DNER: variants seen among roughly 807,000 people sequenced by gnomAD.
DNER encodes delta and Notch-like epidermal growth factor-related receptor.
A neutral mutation model predicts 78.2 loss-of-function variants in DNER; 33 were observed. The observed-to-expected ratio is 0.42, with a 90% confidence interval of 0.32 to 0.56. DNER has a LOEUF of 0.56. DNER is among the 20% of genes least tolerant of loss of function. The pLI is 0.11. For synonymous variants in DNER, 417 were observed against 384.8 expected (o/e 1.08, Z -0.98); for missense variants, 918 against 975.3 (o/e 0.94, Z 0.78).
At chr2:229,494,756 C>T (rs141040779) in intron 6 of DNER, among the ~76,000 whole-genome samples, 1 of 152,286 alleles carries the variant, frequency 6.6e-6, no homozygotes, top group East Asian at 1.9e-4. Flanking sequence ...TCCTTTGGGG[C>T]CCTCTTTCCC....
chr2:229,690,626 TAA>T (rs1699555141), intron 1 of DNER, among the ~76,000 whole-genome samples: 1 of 152,184 alleles, frequency 6.6e-6, no homozygotes, highest in Non-Finnish European at 1.5e-5. Context: ...ACACTAATAT[TAA>T]GTTATCAACT....
Position 229,447,524 on chromosome 2 carries a change from A to G in DNER, c.1278T>C (p.Ala426=), listed in dbSNP as rs760782686. 53 of 1,614,006 alleles carry G rather than the reference A, an allele frequency of 3.3e-5. No individual in the cohort carries two copies. Among genetic ancestry groups the G allele is most frequent in the Non-Finnish European group, 4.2e-5 (49 of 1,180,010 alleles). ...CGCAGGGGTCCACCTTTTCTTCACA[A>G]GCAGATCCGAAGTATCCTGTGAAAA... ...CQCPEGYFGS[A]CEEKVDPCAS... The change falls in exon 8 of 13, where the codon GCT becomes GCC. Residue 426 remains alanine, a synonymous_variant. Transcript: ENST00000341772.
chr2:229,679,233 T>C (rs565256570), intron 1 of DNER, among the ~76,000 whole-genome samples: 1 of 152,172 alleles, frequency 6.6e-6, no homozygotes, highest in African/African-American at 2.4e-5. Flanking sequence ...ATAATTACTA[T>C]AGTATTTAAA....
At chr2:229,626,026 T>A (rs1010668331) in intron 1 of DNER, among the ~76,000 whole-genome samples, 35 of 152,226 alleles carry the variant, frequency 2.3e-4, no homozygotes, top group African/African-American at 8.4e-4. Flanking sequence ...TTCACGCCAT[T>A]CTCCTGCCTC....
At chr2:229,690,484 A>C (rs721528) in intron 1 of DNER, among the ~76,000 whole-genome samples, 1 of 152,068 alleles carries the variant, frequency 6.6e-6, no homozygotes, top group Non-Finnish European at 1.5e-5. Context: ...GCTATGCCCA[A>C]TGCCAGGATC....
intron 9 of DNER, among the ~76,000 whole-genome samples, chr2:229,411,684 A>C (rs753704183): frequency 2.0e-5 from 3 of 152,256 alleles, no homozygotes; most frequent in Admixed American, 1.3e-4. Context: ...AATTCCAGAA[A>C]TATTTGTAAT....
chr2:229,640,106 C>T (rs556531058), intron 1 of DNER, among the ~76,000 whole-genome samples: 2 of 152,310 alleles, frequency 1.3e-5, no homozygotes, highest in East Asian at 3.9e-4. Flanking sequence ...GCTACTGCAC[C>T]ACTGAAATTA....
chr2:229,420,476 A>G (rs1693741495), intron 8 of DNER, among the ~76,000 whole-genome samples: 1 of 152,190 alleles, frequency 6.6e-6, no homozygotes, highest in African/African-American at 2.4e-5. Context: ...CTCGGATATC[A>G]TATCCAAGAA....
At chr2:229,592,329 C>T (rs76358482) in intron 1 of DNER, among the ~76,000 whole-genome samples, 2,357 of 152,270 alleles carry the variant, frequency 0.015, 60 homozygotes, top group African/African-American at 0.053. Context: ...AAGACTGCCC[C>T]ATTTATCTGC....
At chr2:229,677,025 C>T (rs1699311275) in intron 1 of DNER, among the ~76,000 whole-genome samples, 1 of 152,202 alleles carries the variant, frequency 6.6e-6, no homozygotes, top group South Asian at 2.1e-4. Context: ...TTGCTCTTCC[C>T]ACTCTGCTTC....
intron 11 of DNER, among the ~76,000 whole-genome samples, chr2:229,369,681 T>G (rs933820827): frequency 6.6e-6 from 1 of 152,134 alleles, no homozygotes. Context: ...CAACCTGTAT[T>G]AGCAGGAAAA....
At position 229,447,359 on chromosome 2, in the gene DNER, C is replaced by A. The variant is rs144811178; in HGVS notation, c.1443G>T (p.Thr481=). Residue 481 remains threonine, a synonymous_variant, in exon 8 of 13, where the codon ACG becomes ACT. Coordinates refer to ENST00000341772, the MANE Select transcript of DNER (RefSeq NM_139072.4). ...TGTAGCTGGTGCCCACGCTGCGGCA[C>A]GTGCCATGAGCACAGGGGCTGAGGG... ...FCALSPCAHG[T]CRSVGTSYKC... 3 of 1,611,432 alleles carry A rather than the reference C, an allele frequency of 1.9e-6. No individual in the cohort carries two copies. Among genetic ancestry groups the A allele is most frequent in the East Asian group, 2.2e-5 (1 of 44,802 alleles).
At chr2:229,581,556 G>A (rs1697397488) in intron 4 of DNER, among the ~76,000 whole-genome samples, 1 of 152,216 alleles carries the variant, frequency 6.6e-6, no homozygotes, top group Non-Finnish European at 1.5e-5. Context: ...GAAAGAAGTT[G>A]AGGCACAGAG....
intron 8 of DNER, among the ~76,000 whole-genome samples, chr2:229,420,976 T>C (rs976761358): frequency 6.6e-6 from 1 of 152,222 alleles, no homozygotes; most frequent in Non-Finnish European, 1.5e-5. Context: ...CTCATGTTCA[T>C]TGCAGCATTA....
At chr2:229,473,073 GA>G (rs907476495) in intron 7 of DNER, among the ~76,000 whole-genome samples, 2 of 152,164 alleles carry the variant, frequency 1.3e-5, no homozygotes, top group Non-Finnish European at 2.9e-5. Context: ...GTCCTTGAAG[GA>G]AACAAAATGG....
In DNER at chr2:229,628,542, T is replaced by C. The variant is rs146831931; in HGVS notation, c.277-36654A>G. On this transcript the variant is annotated intron_variant, in intron 1 of 12. Coordinates refer to ENST00000341772, the MANE Select transcript of DNER (RefSeq NM_139072.4). ...TGGGCCTTTTGTCCAAAAGATATCTTATAAGAACCCCAAAATATTCAACAG... is the reference window on the plus strand; with the variant it reads ...TGGGCCTTTTGTCCAAAAGATATCTCATAAGAACCCCAAAATATTCAACAG... Among the ~76,000 whole-genome samples the C allele has an allele frequency of 3.9e-3, 588 of 152,234 alleles. 3 individuals carry two copies. The highest frequency in any genetic ancestry group is 6.5e-3 in the Non-Finnish European group (442 of 68,016).
intron 9 of DNER, among the ~76,000 whole-genome samples, chr2:229,416,011 G>A (rs1464195652): frequency 6.6e-6 from 1 of 152,152 alleles, no homozygotes; most frequent in Admixed American, 6.5e-5. Flanking sequence ...TGCCCTGTGA[G>A]CCCATTCTAT....
intron 11 of DNER, among the ~76,000 whole-genome samples, chr2:229,384,956 A>G (rs1692830175): frequency 1.3e-5 from 2 of 152,124 alleles, no homozygotes; most frequent in Non-Finnish European, 2.9e-5. Context: ...AGACGCAACA[A>G]AAAAAGAAAA....
At chr2:229,595,587 T>G (rs1697697529) in intron 1 of DNER, among the ~76,000 whole-genome samples, 1 of 152,140 alleles carries the variant, frequency 6.6e-6, no homozygotes, top group African/African-American at 2.4e-5. Context: ...CAGCCTGTAT[T>G]CACCAAGTTT....
Sources: allele counts gnomAD v4.1 joint callset (sites outside exome capture counted in the v4.1 genomes callset), GRCh38; gene constraint gnomAD v4.1.1; transcripts MANE v1.5; gene names NCBI Gene and HGNC (gene_info 2026-07-23, HGNC 2026-07-21).